SORCS2: variants seen among roughly 807,000 people sequenced by gnomAD.
SORCS2 encodes the protein sortilin related VPS10 domain containing receptor 2.
SORCS2 carries 100 observed loss-of-function variants against 141.6 expected under a neutral mutation model. That is an observed-to-expected ratio of 0.71 (90% CI 0.60 to 0.83). SORCS2 has a LOEUF of 0.83. Among genes scored for constraint, SORCS2 ranks in the 40% least tolerant of loss-of-function variants. The pLI, the probability that SORCS2 is intolerant of heterozygous loss-of-function variation, is 0.00. For synonymous variants in SORCS2, 789 were observed against 676.9 expected (o/e 1.17, Z -2.57); for missense variants, 1,646 against 1,560.2 (o/e 1.05, Z -0.93).
intron 1 of SORCS2, among the ~76,000 whole-genome samples, chr4:7,259,986 G>C (rs1473596322): frequency 1.3e-5 from 2 of 152,210 alleles, no homozygotes; most frequent in African/African-American, 4.8e-5. Flanking sequence ...GGGTGATTTG[G>C]GGGAATGACA....
At chr4:7,464,622 T>A (rs1484757213) in intron 2 of SORCS2, among the ~76,000 whole-genome samples, 1 of 152,014 alleles carries the variant, frequency 6.6e-6, no homozygotes, top group Non-Finnish European at 1.5e-5. Flanking sequence ...AGGGTGAGAG[T>A]TTGTACCCAT....
intron 6 of SORCS2, among the ~76,000 whole-genome samples, chr4:7,662,293 T>C (rs1447358860): frequency 7.0e-6 from 1 of 143,700 alleles, no homozygotes; most frequent in Non-Finnish European, 1.5e-5. Flanking sequence ...CCGTTCTGTG[T>C]TGATAACCAG....
At chr4:7,674,869 T>C (rs1194522589) in intron 8 of SORCS2, among the ~76,000 whole-genome samples, 1 of 149,858 alleles carries the variant, frequency 6.7e-6, no homozygotes, top group Non-Finnish European at 1.5e-5. Context: ...AAGGGAGCCA[T>C]CCCCAAGCAT....
chr4:7,262,385 TCCATCCATCC>T (rs1560148503), intron 1 of SORCS2, among the ~76,000 whole-genome samples: 1 of 91,896 alleles, frequency 1.1e-5, no homozygotes, highest in African/African-American at 5.9e-5. Context: ...TATCCATCCA[TCCATCCATCC>T]ATCCATCCAT....
chr4:7,336,532 A>ACGCAATCCCTGAGC lies in SORCS2; in HGVS notation c.481-59756_481-59755insCGCAATCCCTGAGC, dbSNP rs1448179213. ...AGCACCTTGGGTGAGCCGTGCCCAGAACAGATGGATGAAGGACTCTTGTCT... is the reference window on the plus strand; with the variant it reads ...AGCACCTTGGGTGAGCCGTGCCCAGACGCAATCCCTGAGCACAGATGGATGAAGGACTCTTGTCT... On this transcript the variant is annotated intron_variant, in intron 1 of 26. Transcript: ENST00000507866. Among the ~76,000 whole-genome samples the ACGCAATCCCTGAGC allele has an allele frequency of 3.0e-4, 28 of 94,436 alleles. 2 individuals are homozygous for ACGCAATCCCTGAGC. Among genetic ancestry groups the ACGCAATCCCTGAGC allele is most frequent in the East Asian group, 7.0e-4 (2 of 2,860 alleles). 62.0% of individuals were successfully genotyped at this position (94,436 alleles called of 152,430 possible).
At chr4:7,229,595 T>C (rs1711668187) in intron 1 of SORCS2, among the ~76,000 whole-genome samples, 1 of 152,176 alleles carries the variant, frequency 6.6e-6, no homozygotes, top group Non-Finnish European at 1.5e-5. Flanking sequence ...GACCAAACCT[T>C]ACTTGGCTCA....
At chr4:7,316,143 A>G (rs747181308) in intron 1 of SORCS2, among the ~76,000 whole-genome samples, 16 of 148,370 alleles carry the variant, frequency 1.1e-4, no homozygotes, top group Non-Finnish European at 1.8e-4. Flanking sequence ...CTATTCATCC[A>G]TCCATTCATC....
intron 3 of SORCS2, among the ~76,000 whole-genome samples, chr4:7,540,109 G>A (rs1712483339): frequency 9.7e-6 from 1 of 103,594 alleles, no homozygotes; most frequent in Non-Finnish European, 1.9e-5. Flanking sequence ...TTTGTGCTGT[G>A]GGGCCCCACT....
At chr4:7,717,685 G>C (rs1577112076) in intron 17 of SORCS2, among the ~76,000 whole-genome samples, 1 of 152,068 alleles carries the variant, frequency 6.6e-6, no homozygotes. Context: ...GAAACTGGCT[G>C]CTTAAACAGC....
In SORCS2 at chr4:7,728,365, T is replaced by A. The variant is rs772147326; in HGVS notation, c.2885T>A (p.Met962Lys). The change falls in exon 22 of 27, where the codon ATG becomes AAG. Residue 962 changes from methionine to lysine, a missense_variant. Met to Lys is a moderately conservative substitution (Grantham distance 95, BLOSUM62 -1). Transcript: ENST00000507866. ...VLRVLDQFQVMPLQFSKELDA... is the reference protein window; with the variant it reads ...VLRVLDQFQVKPLQFSKELDA... ...GTCTTTCCAGATCAATTTCAAGTCA[T>A]GCCTCTGCAGTTTTCCAAGGAGCTG... 1 of 1,613,592 alleles carries A rather than the reference T, an allele frequency of 6.2e-7. No individual in the cohort carries two copies. The highest frequency in any genetic ancestry group is 8.5e-7 in the Non-Finnish European group (1 of 1,179,720).
intron 1 of SORCS2, among the ~76,000 whole-genome samples, chr4:7,326,886 C>T (rs1291713364): frequency 6.6e-6 from 1 of 152,238 alleles, no homozygotes; most frequent in African/African-American, 2.4e-5. Flanking sequence ...CCAGCACGCC[C>T]TTGCTGCTGA....
At chr4:7,349,025 C>A (rs1261297229) in intron 1 of SORCS2, among the ~76,000 whole-genome samples, 1 of 152,212 alleles carries the variant, frequency 6.6e-6, no homozygotes, top group Non-Finnish European at 1.5e-5. Flanking sequence ...CTTCCATACA[C>A]TTATTTGACA....
At chr4:7,455,020 AGTGTGTTGGGGTCAGGTGCT>A (rs145515982) in intron 2 of SORCS2, among the ~76,000 whole-genome samples, 31,522 of 82,920 alleles carry the variant, frequency 0.38, 5,368 homozygotes, top group East Asian at 0.65. Context: ...AGGGTCAGGC[AGTGTGTTGGGGTCAGGTGCT>A]GTGTGTTGGG....
At chr4:7,384,871 G>C (rs1317819216) in intron 1 of SORCS2, among the ~76,000 whole-genome samples, 1 of 152,252 alleles carries the variant, frequency 6.6e-6, no homozygotes, top group Non-Finnish European at 1.5e-5. Flanking sequence ...TGAGGGCAGG[G>C]GGCGCGGACA....
chr4:7,573,844 C>A (rs1715555481), intron 3 of SORCS2, among the ~76,000 whole-genome samples: 1 of 138,652 alleles, frequency 7.2e-6, no homozygotes, highest in African/African-American at 2.5e-5. Flanking sequence ...CAGGGGCTCC[C>A]CATGCAGGGT....
In SORCS2 at chr4:7,659,782, C is replaced by G. The variant is rs575673175; in HGVS notation, c.888-1718C>G. On this transcript the variant is annotated intron_variant, in intron 5 of 26. Coordinates refer to ENST00000507866, the MANE Select transcript of SORCS2 (RefSeq NM_020777.3). ...AAAGGGGCCAGGGCACATGTAGACT[C>G]CAGCTGAGACCCTGGACTGAGGGTG... 4.6e-5 allele frequency among the ~76,000 whole-genome samples: 7 copies of G among 152,310 alleles called. No homozygotes were observed. The South Asian group carries it at 1.5e-3, about 32-fold the overall frequency.
chr4:7,529,264 G>A (rs1202059575), intron 2 of SORCS2, among the ~76,000 whole-genome samples: 8 of 152,004 alleles, frequency 5.3e-5, no homozygotes, highest in Admixed American at 3.9e-4. Flanking sequence ...GCAACCCAGC[G>A]GCCCCACCAC....
intron 25 of SORCS2, among the ~76,000 whole-genome samples, chr4:7,734,908 C>A (rs1388213626): frequency 1.3e-5 from 2 of 152,206 alleles, no homozygotes; most frequent in Non-Finnish European, 2.9e-5. Flanking sequence ...GAGGGAGCTG[C>A]TTGTGCCGAG....
intron 3 of SORCS2, among the ~76,000 whole-genome samples, chr4:7,567,506 T>G (rs1715107682): frequency 6.6e-6 from 1 of 152,176 alleles, no homozygotes; most frequent in Admixed American, 6.5e-5. Context: ...ACTGGGATTA[T>G]TCCTGGGAGG....
Sources: gnomAD v4.1 joint callset for allele counts (sites outside exome capture counted in the v4.1 genomes callset) on GRCh38, gnomAD v4.1.1 for gene constraint, MANE v1.5 for transcripts, NCBI Gene and HGNC (gene_info 2026-07-23, HGNC 2026-07-21) for gene names.